The following GSDME variants were observed in gnomAD, a reference collection of about 807,000 sequenced individuals.
GSDME encodes gasdermin-E.
In GSDME, 44 loss-of-function variants were observed where a neutral mutation model predicts 47.5. The ratio of observed to expected loss-of-function variants is 0.93; its 90% CI spans 0.73 to 1.19. The LOEUF (loss-of-function observed/expected upper bound fraction) is 1.19. GSDME is among the 50% of genes most tolerant of loss of function. The pLI, the probability that GSDME is intolerant of heterozygous loss-of-function variation, is 0.00. For synonymous variants in GSDME, 258 were observed against 252.8 expected, an observed-to-expected ratio of 1.02 and a Z score of -0.20; for missense variants, 663 against 604.2, an observed-to-expected ratio of 1.10 and a Z score of -1.02.
At chr7:24,767,390 C>A in the GSDME span, among the ~76,000 whole-genome samples, 1 of 152,112 alleles carries the variant, frequency 6.6e-6, no homozygotes, top group Non-Finnish European at 1.5e-5. The surrounding 1 kb of genome is among the most constrained non-coding windows in gnomAD (Gnocchi z 5.3). Flanking sequence ...ACATAATGAG[C>A]ACATGTACCC....
rs192731466 is a variant in GSDME at position 24,733,942 on chromosome 7, G to A, written c.404+10620C>T. On this transcript the variant is annotated intron_variant, in intron 3 of 9. Coordinates refer to ENST00000645220, the MANE Select transcript of GSDME (RefSeq NM_001127453.2). This position sits in a 1 kb window ranked among gnomAD's most constrained non-coding sequence, Gnocchi z 4.3. Reference sequence around the variant, plus strand: ...CTAGGGCCTTGAGCAAACATAGGCAGTAGCCAGGTAGTGGTTACAACAGGC... The same window carrying A: ...CTAGGGCCTTGAGCAAACATAGGCAATAGCCAGGTAGTGGTTACAACAGGC... 4.6e-5 allele frequency among the ~76,000 whole-genome samples: 7 copies of A among 152,348 alleles called. No individual in the cohort carries two copies. Among genetic ancestry groups the A allele is most frequent in the Non-Finnish European group, 1.0e-4 (7 of 68,030 alleles).
At chr7:24,782,454 T>A in the GSDME span, among the ~76,000 whole-genome samples, 1 of 152,208 alleles carries the variant, frequency 6.6e-6, no homozygotes, top group Non-Finnish European at 1.5e-5. Context: ...ATTTTCTTAA[T>A]CCAGTCTATC....
rs1254741648 is a variant in GSDME at position 24,721,672 on chromosome 7, C to T, written c.405-2454G>A. On this transcript the variant is annotated intron_variant, in intron 3 of 9. Coordinates refer to ENST00000645220, the MANE Select transcript of GSDME (RefSeq NM_001127453.2). The surrounding 1 kb of genome is among the most constrained non-coding windows in gnomAD (Gnocchi z 4.1). ...CCTTCCCGTGTCCCTCTATGAGGCT[C>T]ACAAAACAAAGCCACAGTGTGTGCC... Among the ~76,000 whole-genome samples, 1 of 152,228 alleles carries T rather than the reference C, an allele frequency of 6.6e-6. No individual in the cohort carries two copies. Among genetic ancestry groups the T allele is most frequent in the Non-Finnish European group, 1.5e-5 (1 of 68,036 alleles).
At chr7:24,786,604 G>A in the GSDME span, among the ~76,000 whole-genome samples, 1 of 152,150 alleles carries the variant, frequency 6.6e-6, no homozygotes, top group African/African-American at 2.4e-5. The surrounding 1 kb of genome is among the most constrained non-coding windows in gnomAD (Gnocchi z 5.5). Context: ...GACTGACCTG[G>A]TCCTCACGAG....
rs1788735458 is a variant in GSDME at position 24,698,715 on chromosome 7, C to T, written c.*311G>A. On this transcript the variant is annotated 3_prime_UTR_variant, in exon 10 of 10. Coordinates refer to ENST00000645220, the MANE Select transcript of GSDME (RefSeq NM_001127453.2). The stretch of plus-strand genomic sequence containing the variant: ...GTAACAAAAAGTGGAATGCAAGTGA[C>T]AGATGGACTTATTATTGTGCAGAAA... 1 of 400,470 alleles carries T rather than the reference C, an allele frequency of 2.5e-6. No individual in the cohort carries two copies. The highest frequency in any genetic ancestry group is 5.5e-5 in the East Asian group (1 of 18,144). The allele number at this position is 400,470 out of a possible 1,614,324, so 24.8% of individuals were successfully genotyped here. A position where few individuals can be genotyped will look rare whatever the true frequency, so the allele number is the denominator to read the frequency against.
Position 24,716,749 on chromosome 7 carries a change from A to C in GSDME, c.697+505T>G, listed in dbSNP as rs1584066318. On this transcript the variant is annotated intron_variant, in intron 5 of 9. Transcript: ENST00000645220. This position sits in a 1 kb window ranked among gnomAD's most constrained non-coding sequence, Gnocchi z 4.5. ...AACAATAATGATGATAATGCTATTA[A>C]TAGCAAAGGTGGAGGAATTAATAAA... The C allele has an allele frequency of 1.6e-5, 3 of 187,160 alleles. No homozygotes were observed. In the East Asian group the frequency reaches 3.7e-4, roughly 23 times the overall value. The allele number at this position is 187,160 out of a possible 1,614,324, so 11.6% of individuals were successfully genotyped here.
At chr7:24,775,707 T>C in the GSDME span, among the ~76,000 whole-genome samples, 2 of 151,644 alleles carry the variant, frequency 1.3e-5, no homozygotes, top group Non-Finnish European at 2.9e-5. Flanking sequence ...AAACCCCGTC[T>C]ATACTCAAAA....
chr7:24,705,677 G>T lies in GSDME; in HGVS notation c.1183+507C>A, dbSNP rs1376472257. ...GACCAGTGCAGAAGCTGTGCATCTG[G>T]GCCCAGCCACAGCTCTGCCTCCCAG... On this transcript the variant is annotated intron_variant, in intron 8 of 9. Coordinates refer to ENST00000645220, the MANE Select transcript of GSDME (RefSeq NM_001127453.2). This position sits in a 1 kb window ranked among gnomAD's most constrained non-coding sequence, Gnocchi z 4.1. 1 of 231,164 alleles carries T rather than the reference G, an allele frequency of 4.3e-6. No individual in the cohort carries two copies. The highest frequency in any genetic ancestry group is 1.1e-4 in the East Asian group (1 of 8,894). The allele number at this position is 231,164 out of a possible 1,614,324, so 14.3% of individuals were successfully genotyped here.
At chr7:24,706,035 C>G in intron 8 of GSDME, 149 bp downstream of exon 8, 1 of 1,003,216 alleles carries the variant, frequency 1.0e-6, no homozygotes, top group Non-Finnish European at 1.5e-6. Context: ...ATCAGCCTCC[C>G]ACCTCTTACC....
rs535423238 is a variant in GSDME, at chr7:24,706,239, A to G, written c.1128T>C (p.Asp376=). The G allele has an allele frequency of 3.0e-5, 49 of 1,614,212 alleles. No homozygotes were observed. Among genetic ancestry groups the G allele is most frequent in the Admixed American group, 1.7e-4 (10 of 60,028 alleles). Residue 376 remains aspartate, a synonymous_variant, in exon 8 of 10, where the codon GAT becomes GAC. Coordinates refer to ENST00000645220, the MANE Select transcript of GSDME (RefSeq NM_001127453.2). The part of the protein sequence containing the change: ...SLQGGCPGPE[D]AGSKQLFMTA... Reference sequence around the variant, plus strand: ...TCATAAACAGCTGCTTGCTGCCTGCATCCTCGGGGCCCGGACACCCACCCT... The same window carrying G: ...TCATAAACAGCTGCTTGCTGCCTGCGTCCTCGGGGCCCGGACACCCACCCT...
chr7:24,719,061 T>C lies in GSDME; in HGVS notation c.562A>G (p.Thr188Ala). ...EKCGGIVGIQ[T>A]KTVQVSATED... ...ACTGCACGCACCTGCACCGTCTTGG[T>C]CTGGATGCCCACGATGCCACCACAC... The change falls in exon 4 of 10, where the codon ACC becomes GCC. Residue 188 changes from threonine to alanine, a missense_variant. Transcript: ENST00000645220. 6.2e-7 allele frequency: 1 copy of C among 1,612,790 alleles called. No homozygotes were observed. Among genetic ancestry groups the C allele is most frequent in the South Asian group, 1.1e-5 (1 of 91,030 alleles).
upstream of GSDME, among the ~76,000 whole-genome samples, chr7:24,759,836 G>T (rs1013992319): frequency 6.6e-6 from 1 of 152,200 alleles, no homozygotes; most frequent in Non-Finnish European, 1.5e-5. Flanking sequence ...CTGTCCAATG[G>T]TGGGGGGATG....
chr7:24,719,696 G>T (rs1422970805), intron 3 of GSDME, among the ~76,000 whole-genome samples: 1 of 152,128 alleles, frequency 6.6e-6, no homozygotes, highest in Non-Finnish European at 1.5e-5. Context: ...AGGAGGCTGA[G>T]GCACGAGAAT....
In GSDME at chr7:24,710,226, T is replaced by G; in HGVS notation, c.860A>C (p.Gln287Pro). The G allele has an allele frequency of 1.9e-6, 3 of 1,613,802 alleles. No homozygotes were observed. The highest frequency in any genetic ancestry group is 2.5e-6 in the Non-Finnish European group (3 of 1,180,038). Residue 287 changes from glutamine to proline, a missense_variant and splice_region_variant, in exon 6 of 10, where the codon CAA (glutamine) becomes CCA (proline). By Grantham distance (76) the Gln-to-Pro change is moderately conservative. Coordinates refer to ENST00000645220, the MANE Select transcript of GSDME (RefSeq NM_001127453.2). ...TACTCCTGCCCTGCTGGCAATACCT[T>G]GCTTTAAAACACTTAATGGTCCATC... The part of the protein sequence containing the change: ...SQDGPLSVLK[Q>P]ATLLLERNFH...
chr7:24,780,776 C>T, the GSDME span, among the ~76,000 whole-genome samples: 1 of 152,228 alleles, frequency 6.6e-6, no homozygotes, highest in African/African-American at 2.4e-5. This position sits in a 1 kb window ranked among gnomAD's most constrained non-coding sequence, Gnocchi z 4.1. Context: ...TGACCTTTGT[C>T]TACCCAGTAG....
rs1353775265 is a variant in GSDME, at chr7:24,698,646, A to T, written c.*380T>A. 6 of 305,634 alleles carry T rather than the reference A, an allele frequency of 2.0e-5. No individual in the cohort carries two copies. The highest frequency in any genetic ancestry group is 6.5e-5 in the South Asian group (2 of 30,550). 18.9% of individuals were successfully genotyped at this position (305,634 alleles called of 1,614,324 possible). A position where few individuals can be genotyped will look rare whatever the true frequency, so the allele number is the denominator to read the frequency against. On this transcript the variant is annotated 3_prime_UTR_variant, in exon 10 of 10. Transcript: ENST00000645220. The stretch of plus-strand genomic sequence containing the variant: ...GAAATTGCCTTCCCACAGCATTCAC[A>T]ATGTAAAAAGACCTTTTGGATTAAA...
At position 24,737,541 on chromosome 7, in the gene GSDME, T is replaced by C. The variant is rs552679995; in HGVS notation, c.404+7021A>G. ...AAAAGAAAAGCCAACAAAAACCTGA[T>C]GGCTTCACTGTTGAATGTTACCAAA... On this transcript the variant is annotated intron_variant, in intron 3 of 9. Coordinates refer to ENST00000645220, the MANE Select transcript of GSDME (RefSeq NM_001127453.2). 5.9e-5 allele frequency among the ~76,000 whole-genome samples: 9 copies of C among 152,072 alleles called. No individual in the cohort carries two copies. The East Asian group carries it at 1.7e-3, about 29-fold the overall frequency.
At chr7:24,773,028 T>C in the GSDME span, among the ~76,000 whole-genome samples, 2 of 152,188 alleles carry the variant, frequency 1.3e-5, no homozygotes, top group South Asian at 2.1e-4. The surrounding 1 kb of genome is among the most constrained non-coding windows in gnomAD (Gnocchi z 5.4). Context: ...GGGAATTGCA[T>C]TGTTACAGAA....
At chr7:24,752,568 T>C (rs1395626195) in intron 1 of GSDME, among the ~76,000 whole-genome samples, 1 of 152,054 alleles carries the variant, frequency 6.6e-6, no homozygotes, top group East Asian at 1.9e-4. Context: ...CTCCCTGGGG[T>C]GTCATGCTGG....
Sources: allele counts gnomAD v4.1 joint callset (sites outside exome capture counted in the v4.1 genomes callset), GRCh38; gene constraint gnomAD v4.1.1; non-coding constraint Gnocchi (gnomAD v3.1); transcripts MANE v1.5; gene names NCBI Gene and HGNC (gene_info 2026-07-23, HGNC 2026-07-21).